Variants in LRRC37A2 observed in about 807,000 individuals in gnomAD.
LRRC37A2 encodes leucine-rich repeat-containing protein 37A2.
LRRC37A2 carries 9 observed loss-of-function variants against 68.8 expected under a neutral mutation model. The observed-to-expected ratio is 0.13, with a 90% CI of 0.08 to 0.23. The LOEUF (loss-of-function observed/expected upper bound fraction) is 0.23. LRRC37A2 is among the 10% of genes least tolerant of loss of function. The pLI is 1.00. For missense variants in LRRC37A2, 168 were observed against 950.4 expected (o/e 0.18, Z 10.82); for synonymous variants, 63 against 367.6 (o/e 0.17, Z 9.48).
the LRRC37A2 span, chr17:46,932,232 A>C: frequency 6.2e-7 from 1 of 1,613,328 alleles, no homozygotes; most frequent in Admixed American, 1.7e-5. Context: ...GTCGGCCTGC[A>C]CTTGACAGAT....
chr17:46,770,485 G>A, the LRRC37A2 span, among the ~76,000 whole-genome samples: 1 of 152,148 alleles, frequency 6.6e-6, no homozygotes, highest in Non-Finnish European at 1.5e-5. Flanking sequence ...CTGTAAGGAG[G>A]GAGGCCTGGG....
At chr17:46,738,816 C>T in the LRRC37A2 span, among the ~76,000 whole-genome samples, 7 of 152,256 alleles carry the variant, frequency 4.6e-5, no homozygotes, top group African/African-American at 1.7e-4. Context: ...GAGAACTAAA[C>T]TGTGGTTGGG....
the LRRC37A2 span, among the ~76,000 whole-genome samples, chr17:46,723,382 C>T: frequency 6.6e-6 from 1 of 152,158 alleles, no homozygotes; most frequent in African/African-American, 2.4e-5. Context: ...TTATAAGATA[C>T]CACATTGGCT....
At chr17:46,458,698 C>T in the LRRC37A2 span, among the ~76,000 whole-genome samples, 3 of 103,090 alleles carry the variant, frequency 2.9e-5, no homozygotes, top group East Asian at 4.8e-4. Flanking sequence ...TGCACCACCA[C>T]GCCCAGCTAA....
chr17:46,930,549 A>G, the LRRC37A2 span: 4 of 153,996 alleles, frequency 2.6e-5, no homozygotes, highest in Non-Finnish European at 4.3e-5. Context: ...GGACGTCAAC[A>G]TTGCTCAGCC....
chr17:46,735,397 A>G, the LRRC37A2 span, among the ~76,000 whole-genome samples: 3 of 151,950 alleles, frequency 2.0e-5, no homozygotes, highest in Non-Finnish European at 4.4e-5. Context: ...GTAGTAGTCC[A>G]TGGGTGCCAT....
At chr17:46,896,390 AAGAG>A in the LRRC37A2 span, among the ~76,000 whole-genome samples, 1 of 121,322 alleles carries the variant, frequency 8.2e-6, no homozygotes, top group East Asian at 2.9e-4. Context: ...GAAAGAAAGA[AAGAG>A]AAAGAAAGAA....
the LRRC37A2 span, among the ~76,000 whole-genome samples, chr17:46,769,338 G>GAA: frequency 4.7e-5 from 7 of 149,900 alleles, no homozygotes; most frequent in African/African-American, 1.7e-4. Flanking sequence ...AAAAAGAAAA[G>GAA]AAAAAGAAAA....
chr17:46,982,352 A>G, the LRRC37A2 span, among the ~76,000 whole-genome samples: 1 of 152,182 alleles, frequency 6.6e-6, no homozygotes, highest in East Asian at 1.9e-4. Flanking sequence ...CCTGATGTAA[A>G]GGAAAGGGGT....
chr17:46,496,507 T>G, the LRRC37A2 span, among the ~76,000 whole-genome samples: 87,095 of 136,952 alleles, frequency 0.64, 30,078 homozygotes, highest in Middle Eastern at 0.81. Context: ...GAAGGTTAAG[T>G]CAAGATAATC....
At chr17:47,000,013 TA>T in the LRRC37A2 span, among the ~76,000 whole-genome samples, 774 of 13,132 alleles carry the variant, frequency 0.059, 43 homozygotes, top group African/African-American at 0.093. Flanking sequence ...TAAAATAAAA[TA>T]AAATAAAATA....
At chr17:46,758,388 C>G in the LRRC37A2 span, among the ~76,000 whole-genome samples, 1 of 152,220 alleles carries the variant, frequency 6.6e-6, no homozygotes, top group Non-Finnish European at 1.5e-5. Context: ...GTTCTTGAAG[C>G]TGCCCAAATA....
chr17:46,767,391 C>A, the LRRC37A2 span, among the ~76,000 whole-genome samples: 2 of 152,186 alleles, frequency 1.3e-5, no homozygotes, highest in South Asian at 4.1e-4. Context: ...GCCGCTTCCC[C>A]CCACCCACCT....
chr17:46,548,795 C>T (rs1285545954), exon 10 of LRRC37A2: 3 of 1,611,804 alleles, frequency 1.9e-6, no homozygotes, highest in Non-Finnish European at 2.5e-6. Context: ...CAGCCCCACA[C>T]ACAGCAGGGG....
the LRRC37A2 span, chr17:46,877,146 G>T: frequency 1.1e-6 from 1 of 951,454 alleles, no homozygotes; most frequent in African/African-American, 1.8e-5. Context: ...GGCAGTGCCA[G>T]CTGGAAGTGA....
the LRRC37A2 span, among the ~76,000 whole-genome samples, chr17:46,795,877 C>T: frequency 1.3e-5 from 2 of 152,218 alleles, no homozygotes; most frequent in African/African-American, 4.8e-5. Context: ...CTCCCTCTCT[C>T]TCTCACACAC....
the LRRC37A2 span, among the ~76,000 whole-genome samples, chr17:46,971,136 G>C: frequency 1.3e-5 from 2 of 152,080 alleles, no homozygotes; most frequent in African/African-American, 4.8e-5. Flanking sequence ...TCAGGAGTTT[G>C]AGACCAGCGT....
At chr17:46,951,419 C>T in the LRRC37A2 span, among the ~76,000 whole-genome samples, 1 of 152,328 alleles carries the variant, frequency 6.6e-6, no homozygotes, top group Non-Finnish European at 1.5e-5. Context: ...AGCCTGGGCT[C>T]CTCGCCCAGC....
At chr17:46,779,103 A>ACACACACACACACACACACACACC in the LRRC37A2 span, among the ~76,000 whole-genome samples, 28 of 133,648 alleles carry the variant, frequency 2.1e-4, 1 homozygote, top group East Asian at 2.3e-3. Context: ...ACACACACAC[A>ACACACACACACACACACACACACC]CCCCAGCCCA....
Sources: gnomAD v4.1 joint callset for allele counts (sites outside exome capture counted in the v4.1 genomes callset) on GRCh38, gnomAD v4.1.1 for gene constraint, MANE v1.5 for transcripts, NCBI Gene and HGNC (gene_info 2026-07-23, HGNC 2026-07-21) for gene names.